RPGRIP1L: variants seen among roughly 807,000 people sequenced by gnomAD.
RPGRIP1L encodes the protein RPGRIP1 like.
In RPGRIP1L, 131 loss-of-function variants were observed where a neutral mutation model predicts 160.4. That is an observed-to-expected ratio of 0.82 (90% confidence interval 0.71 to 0.94). RPGRIP1L has a LOEUF of 0.94. Ranked by LOEUF, RPGRIP1L falls within the 40% of genes least tolerant of loss-of-function variation. RPGRIP1L has a pLI of 0.00. For synonymous variants in RPGRIP1L, 510 were observed against 515.8 expected (o/e 0.99, Z 0.15); for missense variants, 1,522 against 1,535.8 (o/e 0.99, Z 0.15).
chr16:53,679,261 C>G (rs1363154322), intron 6 of RPGRIP1L, among the ~76,000 whole-genome samples: 2 of 152,140 alleles, frequency 1.3e-5, no homozygotes, highest in Non-Finnish European at 2.9e-5. Context: ...AAATCACACT[C>G]AGTGGAAGGG....
In RPGRIP1L at chr16:53,702,209, T is replaced by C. The variant is rs920329070; in HGVS notation, c.-7-1479A>G. On this transcript the variant is annotated intron_variant, in intron 1 of 26. Transcript: ENST00000647211. Reference sequence around the variant, plus strand: ...AGGCTGTTACTCAAATGATTCCTGCTTTACAAATGAGGAAGCTGAGACACA... The same window carrying C: ...AGGCTGTTACTCAAATGATTCCTGCCTTACAAATGAGGAAGCTGAGACACA... 2.0e-5 allele frequency among the ~76,000 whole-genome samples: 3 copies of C among 152,208 alleles called. No individual in the cohort carries two copies. In the South Asian group the frequency reaches 6.2e-4, roughly 31 times the overall value.
chr16:53,686,285 A>T, intron 6 of RPGRIP1L, 148 bp downstream of exon 6: 2 of 845,088 alleles, frequency 2.4e-6, no homozygotes, highest in Non-Finnish European at 1.8e-6. Flanking sequence ...GACAGCAGTT[A>T]GTAGGTCGAG....
In RPGRIP1L at chr16:53,648,955, T is replaced by A. The variant is rs1461433745; in HGVS notation, c.2304+9A>T. On this transcript the variant is annotated intron_variant, in intron 16 of 26. Coordinates refer to ENST00000647211, the MANE Select transcript of RPGRIP1L (RefSeq NM_015272.5). The stretch of plus-strand genomic sequence containing the variant: ...GTCATAAAAGGGTCTTAAAGCCAAA[T>A]GAGCTTACCGACTGCATATGCTCTG... The A allele has an allele frequency of 6.2e-7, 1 of 1,612,130 alleles. No individual in the cohort carries two copies. The highest frequency in any genetic ancestry group is 8.5e-7 in the Non-Finnish European group (1 of 1,178,206).
At chr16:53,664,002 G>A (rs1318074410) in intron 10 of RPGRIP1L, among the ~76,000 whole-genome samples, 1 of 152,154 alleles carries the variant, frequency 6.6e-6, no homozygotes, top group Non-Finnish European at 1.5e-5. Context: ...TTTTTAGTGA[G>A]TATGTATTAA....
Position 53,672,864 on chromosome 16 carries a change from G to A in RPGRIP1L, c.1029+6C>T, listed in dbSNP as rs754449838. The A allele has an allele frequency of 6.8e-6, 11 of 1,611,292 alleles. No individual in the cohort carries two copies. The East Asian group carries it at 8.9e-5, about 13-fold the overall frequency. On this transcript the variant is annotated splice_donor_region_variant and intron_variant, in intron 8 of 26. Coordinates refer to ENST00000647211, the MANE Select transcript of RPGRIP1L (RefSeq NM_015272.5). ...CAACAGATGGCTAAACTCTTTGGGA[G>A]CTTACCTCTTCTATTCTTCTTTCAG...
rs1306336144 is a variant in RPGRIP1L, at chr16:53,599,204, T to C, written c.*2872A>G. The C allele has an allele frequency of 2.6e-5, 4 of 152,224 alleles. No individual in the cohort carries two copies. Among genetic ancestry groups the C allele is most frequent in the African/African-American group, 9.6e-5 (4 of 41,470 alleles). The allele number at this position is 152,224 out of a possible 1,614,324, so 9.4% of individuals were successfully genotyped here. A position where few individuals can be genotyped will look rare whatever the true frequency, so the allele number is the denominator to read the frequency against. ...ACACATAGAAATTATTTGTGTTTTG[T>C]GGTAACGAATGAATGGCAGGAACAG... On this transcript the variant is annotated 3_prime_UTR_variant, in exon 27 of 27. Transcript: ENST00000647211.
intron 15 of RPGRIP1L, among the ~76,000 whole-genome samples, chr16:53,652,091 G>A (rs1966861839): frequency 6.6e-6 from 1 of 151,338 alleles, no homozygotes; most frequent in African/African-American, 2.4e-5. Flanking sequence ...TTTTTTTTGA[G>A]ATGGAAGAGC....
intron 25 of RPGRIP1L, among the ~76,000 whole-genome samples, chr16:53,606,580 G>A (rs1963698340): frequency 6.6e-6 from 1 of 151,996 alleles, no homozygotes; most frequent in African/African-American, 2.4e-5. Context: ...CCTTTACTAA[G>A]TCTCTGTTTT....
At chr16:53,666,974 C>T (rs182610605) in intron 9 of RPGRIP1L, among the ~76,000 whole-genome samples, 7 of 152,188 alleles carry the variant, frequency 4.6e-5, no homozygotes, top group Admixed American at 2.6e-4. Flanking sequence ...TACTGTATTC[C>T]GCTATGCTTA....
intron 9 of RPGRIP1L, among the ~76,000 whole-genome samples, chr16:53,670,796 T>A (rs768863641): frequency 6.6e-6 from 1 of 152,132 alleles, no homozygotes; most frequent in Non-Finnish European, 1.5e-5. Flanking sequence ...TATTACTTTA[T>A]ACATTTAAAA....
rs966605945 is a variant in RPGRIP1L at position 53,652,917 on chromosome 16, A to G, written c.1770T>C (p.Ser590=). The G allele has an allele frequency of 5.0e-6, 8 of 1,613,234 alleles. No individual in the cohort carries two copies. The Admixed American group carries it at 5.0e-5, about 10-fold the overall frequency. Residue 590 remains serine (S), a synonymous_variant, in exon 15 of 27, where the codon TCT becomes TCC. Transcript: ENST00000647211. ...KFKPEIMPDD[S]VDEFDETIHL... ...GGATGGTTTCATCAAATTCATCAAC[A>G]GAGTCATCTGGCATGATTTCTGGTT...
At chr16:53,680,595 T>C (rs1263030655) in intron 6 of RPGRIP1L, among the ~76,000 whole-genome samples, 2 of 152,094 alleles carry the variant, frequency 1.3e-5, no homozygotes, top group Non-Finnish European at 2.9e-5. Flanking sequence ...AAAGACATTA[T>C]TGGGACAATT....
intron 22 of RPGRIP1L, among the ~76,000 whole-genome samples, chr16:53,631,453 A>G (rs1965515105): frequency 6.6e-6 from 1 of 152,252 alleles, no homozygotes; most frequent in Admixed American, 6.5e-5. Flanking sequence ...ATTTTAAGAC[A>G]GCTGTGAGTT....
chr16:53,681,909 T>G (rs947876308), intron 6 of RPGRIP1L, among the ~76,000 whole-genome samples: 13 of 152,228 alleles, frequency 8.5e-5, no homozygotes, highest in African/African-American at 2.7e-4. Flanking sequence ...TCTGAAATAA[T>G]GTATCCGTGA....
At chr16:53,677,553 A>T (rs1461359728) in intron 6 of RPGRIP1L, among the ~76,000 whole-genome samples, 1 of 152,190 alleles carries the variant, frequency 6.6e-6, no homozygotes, top group Non-Finnish European at 1.5e-5. Flanking sequence ...TCTAGCCTTT[A>T]AGAAGATGTG....
At chr16:53,618,104 G>C (rs1267547064) in intron 24 of RPGRIP1L, among the ~76,000 whole-genome samples, 1 of 152,154 alleles carries the variant, frequency 6.6e-6, no homozygotes, top group Admixed American at 6.5e-5. Context: ...GAATTTATAG[G>C]GTGTCTATTG....
At chr16:53,625,903 C>A (rs997582186) in intron 22 of RPGRIP1L, among the ~76,000 whole-genome samples, 4 of 151,898 alleles carry the variant, frequency 2.6e-5, no homozygotes, top group Admixed American at 2.0e-4. Context: ...GGATTAAGGG[C>A]GGTGCAAGAT....
chr16:53,646,103 C>G lies in RPGRIP1L; in HGVS notation c.2305-100G>C, dbSNP rs962591575. ...AAGATAATTTTGTCAATGACAAAAG[C>G]TGCATATTTTCACTTCATAATTTCT... On this transcript the variant is annotated intron_variant, in intron 16 of 26. Transcript: ENST00000647211. 6 of 1,069,476 alleles carry G rather than the reference C, an allele frequency of 5.6e-6. No individual in the cohort carries two copies. In the South Asian group the frequency reaches 8.3e-5, roughly 15 times the overall value. 66.2% of individuals were successfully genotyped at this position (1,069,476 alleles called of 1,614,324 possible).
chr16:53,668,142 C>T (rs1968430048), intron 9 of RPGRIP1L, among the ~76,000 whole-genome samples: 2 of 151,782 alleles, frequency 1.3e-5, no homozygotes, highest in South Asian at 4.1e-4. Flanking sequence ...CAGGATATTT[C>T]ACTTACTGAA....
Sources: gnomAD v4.1 joint callset for allele counts (sites outside exome capture counted in the v4.1 genomes callset) on GRCh38, gnomAD v4.1.1 for gene constraint, MANE v1.5 for transcripts, NCBI Gene and HGNC (gene_info 2026-07-23, HGNC 2026-07-21) for gene names.